The following FRMPD1 variants were observed in gnomAD, a reference collection of about 807,000 sequenced individuals.
FRMPD1 encodes the protein FERM and PDZ domain-containing protein 1.
FRMPD1 carries 76 observed loss-of-function variants against 117.8 expected under a neutral mutation model. The ratio of observed to expected loss-of-function variants is 0.65; its 90% CI spans 0.54 to 0.78. The LOEUF (loss-of-function observed/expected upper bound fraction) is 0.78. Ranked by LOEUF, FRMPD1 falls within the 30% of genes least tolerant of loss-of-function variation. The pLI, the probability that FRMPD1 is intolerant of heterozygous loss-of-function variation, is 0.00. For missense variants in FRMPD1, 1,786 were observed against 1,964.5 expected, an observed-to-expected ratio of 0.91 and a Z score of 1.72; for synonymous variants, 783 against 770.4, an observed-to-expected ratio of 1.02 and a Z score of -0.27.
chr9:37,703,969 A>G (rs1018395763), intron 2 of FRMPD1, among the ~76,000 whole-genome samples: 1 of 152,206 alleles, frequency 6.6e-6, no homozygotes, highest in Non-Finnish European at 1.5e-5. Context: ...ATAAATATTC[A>G]TGTGCAAGTT....
chr9:37,708,545 C>A, intron 4 of FRMPD1, 44 bp downstream of exon 4: 2 of 1,113,968 alleles, frequency 1.8e-6, no homozygotes, highest in South Asian at 1.2e-5. Context: ...CACAGATTAT[C>A]AAAGAACAAA....
At chr9:37,627,044 G>T in the FRMPD1 span, among the ~76,000 whole-genome samples, 1 of 151,668 alleles carries the variant, frequency 6.6e-6, no homozygotes, top group Non-Finnish European at 1.5e-5. Flanking sequence ...CTCCACCTTC[G>T]AGGCGATCTT....
At chr9:37,697,251 C>T (rs560444854) in intron 2 of FRMPD1, among the ~76,000 whole-genome samples, 85 of 152,210 alleles carry the variant, frequency 5.6e-4, no homozygotes, top group South Asian at 2.3e-3. Flanking sequence ...TGTTACCACT[C>T]GATTTCATAT....
chr9:37,679,590 C>G (rs1051546055), intron 1 of FRMPD1, among the ~76,000 whole-genome samples: 1 of 152,228 alleles, frequency 6.6e-6, no homozygotes, highest in African/African-American at 2.4e-5. Context: ...GAGTTCCCTA[C>G]TGGACTTTCA....
intron 13 of FRMPD1, among the ~76,000 whole-genome samples, chr9:37,736,053 G>T (rs553959827): frequency 8.7e-4 from 131 of 151,378 alleles, no homozygotes; most frequent in Admixed American, 3.2e-3. Flanking sequence ...CAGGCTGGAG[G>T]GCAGTGACAC....
chr9:37,647,751 T>A (rs569740330), upstream of FRMPD1, among the ~76,000 whole-genome samples: 129 of 152,240 alleles, frequency 8.5e-4, 1 homozygote, highest in Non-Finnish European at 1.5e-3. Context: ...TGTACATAAG[T>A]ACAGCAGAGG....
At chr9:37,713,387 G>A (rs1443205348) in intron 5 of FRMPD1, among the ~76,000 whole-genome samples, 1 of 152,090 alleles carries the variant, frequency 6.6e-6, no homozygotes, top group African/African-American at 2.4e-5. Flanking sequence ...GAGGGTGGCG[G>A]ATAGCTTGAG....
At chr9:37,734,413 G>A (rs1203382749) in intron 12 of FRMPD1, among the ~76,000 whole-genome samples, 3 of 151,958 alleles carry the variant, frequency 2.0e-5, no homozygotes, top group Admixed American at 6.6e-5. Context: ...GAAGAGAAAC[G>A]AGAAGCAGAA....
At chr9:37,741,233 A>G (rs1194102788) in intron 15 of FRMPD1, among the ~76,000 whole-genome samples, 5 of 151,966 alleles carry the variant, frequency 3.3e-5, no homozygotes, top group African/African-American at 4.8e-5. Flanking sequence ...CGAAGTGGCT[A>G]TGTCATCACT....
Position 37,737,262 on chromosome 9 carries a change from C to A in FRMPD1, c.1549+19C>A, listed in dbSNP as rs1824180416. On this transcript the variant is annotated intron_variant, in intron 14 of 15. Transcript: ENST00000377765. The stretch of plus-strand genomic sequence containing the variant: ...GAAGAAGGTGAGGCACTGAGTCTTG[C>A]CCCAATAAGGACAGGCCCCTTTCAC... 3 of 1,613,114 alleles carry A rather than the reference C, an allele frequency of 1.9e-6. No individual in the cohort carries two copies. Among genetic ancestry groups the A allele is most frequent in the Non-Finnish European group, 2.5e-6 (3 of 1,179,288 alleles).
chr9:37,637,928 G>C, the FRMPD1 span, among the ~76,000 whole-genome samples: 1 of 148,696 alleles, frequency 6.7e-6, no homozygotes, highest in East Asian at 2.1e-4. Flanking sequence ...ACAACGGTGG[G>C]ATTTTAATTC....
the FRMPD1 span, among the ~76,000 whole-genome samples, chr9:37,642,141 G>A: frequency 8.5e-5 from 13 of 152,210 alleles, no homozygotes; most frequent in Non-Finnish European, 1.3e-4. Context: ...ACAGAGGAGG[G>A]TAGCAGAACC....
the FRMPD1 span, among the ~76,000 whole-genome samples, chr9:37,637,581 C>T: frequency 6.6e-6 from 1 of 152,146 alleles, no homozygotes; most frequent in Admixed American, 6.5e-5. Flanking sequence ...TGTTTTCTGT[C>T]CCTATTGTTT....
chr9:37,630,463 C>G, the FRMPD1 span, among the ~76,000 whole-genome samples: 1 of 152,116 alleles, frequency 6.6e-6, no homozygotes, highest in Non-Finnish European at 1.5e-5. Flanking sequence ...TTCACTGCAA[C>G]CTCCGCCTCC....
intron 1 of FRMPD1, among the ~76,000 whole-genome samples, chr9:37,678,501 T>C (rs1447602311): frequency 6.6e-6 from 1 of 152,094 alleles, no homozygotes; most frequent in Non-Finnish European, 1.5e-5. Context: ...TCTCAAGTGA[T>C]CCACCTACCT....
chr9:37,699,161 C>T (rs969551968), intron 2 of FRMPD1, among the ~76,000 whole-genome samples: 5 of 152,082 alleles, frequency 3.3e-5, no homozygotes, highest in Admixed American at 6.6e-5. Context: ...CGTGAGCCAC[C>T]GTGACCAGCC....
At chr9:37,616,425 T>C in the FRMPD1 span, among the ~76,000 whole-genome samples, 18 of 152,280 alleles carry the variant, frequency 1.2e-4, no homozygotes, top group Non-Finnish European at 2.2e-4. Flanking sequence ...CCCACATCTG[T>C]TGTTTTATTC....
Position 37,729,852 on chromosome 9 carries a change from A to C in FRMPD1, c.737A>C (p.Gln246Pro), listed in dbSNP as rs1188810861. 4 of 1,613,180 alleles carry C rather than the reference A, an allele frequency of 2.5e-6. No homozygotes were observed. The East Asian group carries it at 8.9e-5, about 36-fold the overall frequency. The change falls in exon 8 of 16, where the codon CAG (glutamine) becomes CCG (proline). Residue 246 changes from glutamine to proline, a missense_variant and splice_region_variant. Physicochemically the swap from Gln to Pro is moderately conservative, Grantham distance 76. Transcript: ENST00000377765. ...CTGCACGAAGAGGAACTCATCCAGC[A>C]GGTAGGGAGGACTGACCGCCTGTTC... is the stretch of plus-strand genomic sequence containing the variant. ...HLLHEEELIQQVVEREESHDY... is the reference protein window; with the variant it reads ...HLLHEEELIQPVVEREESHDY...
intron 1 of FRMPD1, among the ~76,000 whole-genome samples, chr9:37,665,889 G>C (rs1212500027): frequency 6.6e-6 from 1 of 152,188 alleles, no homozygotes. Context: ...GTCTGTTGGA[G>C]AGGTTTATTT....
Sources: allele counts gnomAD v4.1 joint callset (sites outside exome capture counted in the v4.1 genomes callset), GRCh38; gene constraint gnomAD v4.1.1; transcripts MANE v1.5; gene names NCBI Gene and HGNC (gene_info 2026-07-23, HGNC 2026-07-21).